The following NUMA1 variants were observed in gnomAD, a reference collection of about 807,000 sequenced individuals.
NUMA1 encodes the protein SP-H antigen.
Under a neutral mutation model 237.1 loss-of-function variants are expected in NUMA1, and 62 were observed. That is an observed-to-expected ratio of 0.26 (90% confidence interval 0.21 to 0.32). The LOEUF (loss-of-function observed/expected upper bound fraction) is 0.32, where lower values mean the gene tolerates loss of function less well. Ranked by LOEUF, NUMA1 falls within the 10% of genes least tolerant of loss-of-function variation. The pLI, the probability that NUMA1 is intolerant of heterozygous loss-of-function variation, is 1.00. For synonymous variants in NUMA1, 1,028 were observed against 1,066.1 expected (o/e 0.96, Z 0.70); for missense variants, 2,533 against 2,666.5 (o/e 0.95, Z 1.10).
chr11:72,031,982 A>G (rs1451131519), intron 3 of NUMA1, among the ~76,000 whole-genome samples: 1 of 33,214 alleles, frequency 3.0e-5, no homozygotes, highest in Non-Finnish European at 1.1e-4. Flanking sequence ...TAAAAAAAAA[A>G]AAAAAAAGAG....
chr11:72,037,894 T>C (rs1941229758), intron 2 of NUMA1, among the ~76,000 whole-genome samples: 1 of 152,196 alleles, frequency 6.6e-6, no homozygotes, highest in South Asian at 2.1e-4. Context: ...GGCAAGATTA[T>C]GTAGCCCTTG....
intron 17 of NUMA1, among the ~76,000 whole-genome samples, chr11:72,010,237 CT>C (rs1272616632): frequency 1.3e-5 from 2 of 152,200 alleles, no homozygotes; most frequent in Non-Finnish European, 2.9e-5. Flanking sequence ...TCCTTTGCCC[CT>C]GACTGAAGGC....
Position 72,035,995 on chromosome 11 carries a change from G to T in NUMA1, c.-32-20C>A. 1 of 1,575,890 alleles carries T rather than the reference G, an allele frequency of 6.3e-7. No individual in the cohort carries two copies. ...ATGCGCCTGGAACCCAAGAGAGGAA[G>T]AAAAGCAGTTAATCATATCAGATAT... On this transcript the variant is annotated intron_variant, in intron 2 of 26. Coordinates refer to ENST00000393695, the MANE Select transcript of NUMA1 (RefSeq NM_006185.4).
rs900236073 is a variant in NUMA1 at position 72,021,211 on chromosome 11, T to C, written c.453A>G (p.Leu151=). 5 of 1,613,338 alleles carry C rather than the reference T, an allele frequency of 3.1e-6. No homozygotes were observed. Among genetic ancestry groups the C allele is most frequent in the Non-Finnish European group, 4.2e-6 (5 of 1,179,360 alleles). The change falls in exon 8 of 27, where the codon CTA becomes CTG. Residue 151 remains leucine, a synonymous_variant. Coordinates refer to ENST00000393695, the MANE Select transcript of NUMA1 (RefSeq NM_006185.4). Reference sequence around the variant, plus strand: ...GAGTGTGTACCTACTTACCTTTCTGTAGGAAGTTCTCTAGGTCCTCATTAA... The same window carrying C: ...GAGTGTGTACCTACTTACCTTTCTGCAGGAAGTTCTCTAGGTCCTCATTAA... ...LNLNEDLENF[L]QKAPVPSTCS... is the part of the protein sequence containing the mutation.
intron 20 of NUMA1, 169 bp downstream of exon 20, chr11:72,008,519 G>C (rs1955910942): frequency 2.7e-6 from 2 of 747,142 alleles, no homozygotes; most frequent in Non-Finnish European, 4.4e-6. Context: ...TTGACCACTT[G>C]CTTTTTATTC....
chr11:72,056,103 C>T (rs1942622732), intron 2 of NUMA1, among the ~76,000 whole-genome samples: 1 of 151,924 alleles, frequency 6.6e-6, no homozygotes. Flanking sequence ...GAGCTGAGAT[C>T]ATACCAGTTC....
Position 72,014,103 on chromosome 11 carries a change from G to C in NUMA1, c.3400C>G (p.Gln1134Glu). ...TGCTCCTGCTGCTTCTGGCATTGCT[G>C]TTCCAGCTTGCTCACCTCTGCCCGC... Reference protein sequence around the residue: ...ALRAEVSKLEQQCQKQQEQAD... With the variant: ...ALRAEVSKLEEQCQKQQEQAD... Residue 1134 changes from glutamine (Q) to glutamate (E), a missense_variant, in exon 15 of 27, where the codon CAG becomes GAG. By Grantham distance (29) the Gln-to-Glu change is conservative. Around this residue, in one of 3 missense-constraint regions of NUMA1, gnomAD observed 1,414 missense variants for 1,508.1 expected, o/e 0.94. Coordinates refer to ENST00000393695, the MANE Select transcript of NUMA1 (RefSeq NM_006185.4). This position sits in a 1 kb window ranked among gnomAD's most constrained non-coding sequence, Gnocchi z 4.6. 6.2e-7 allele frequency: 1 copy of C among 1,611,452 alleles called. No homozygotes were observed. Among genetic ancestry groups the C allele is most frequent in the Non-Finnish European group, 8.5e-7 (1 of 1,180,032 alleles).
intron 2 of NUMA1, chr11:72,040,560 C>A (rs1466865449): frequency 1.3e-5 from 2 of 153,856 alleles, no homozygotes; most frequent in Non-Finnish European, 2.9e-5. Flanking sequence ...TCCCTATCAG[C>A]TGACAAAATG....
intron 20 of NUMA1, chr11:72,007,748 G>C (rs762114530): frequency 2.4e-6 from 1 of 419,816 alleles, no homozygotes; most frequent in African/African-American, 2.0e-5. Context: ...TCTTCCTCCT[G>C]CATCTCCCAT....
intron 2 of NUMA1, among the ~76,000 whole-genome samples, chr11:72,052,831 T>C (rs1042953850): frequency 6.6e-6 from 1 of 151,012 alleles, no homozygotes. Context: ...TACTAAGAAA[T>C]TGTAGGTGAT....
rs750603542 is a variant in NUMA1 at position 72,004,646 on chromosome 11, A to G, written c.6000T>C (p.Thr2000=). The G allele has an allele frequency of 2.5e-6, 4 of 1,612,458 alleles. No individual in the cohort carries two copies. In the South Asian group the frequency reaches 4.4e-5, roughly 18 times the overall value. ...VSLEPHQGPG[T]PESKKATSCF... ...CAGGAGCCACCGCGCCTACCTCAGG[A>G]GTTCCAGGGCCCTGGTGGGGCTCTA... The change falls in exon 24 of 27, where the codon ACT becomes ACC. Residue 2000 remains threonine (T), a synonymous_variant. Coordinates refer to ENST00000393695, the MANE Select transcript of NUMA1 (RefSeq NM_006185.4).
chr11:72,039,191 C>T (rs77737816), intron 2 of NUMA1, among the ~76,000 whole-genome samples: 1 of 152,248 alleles, frequency 6.6e-6, no homozygotes, highest in East Asian at 1.9e-4. Context: ...CCATGATTTC[C>T]TACCAGGGCT....
chr11:72,007,222 G>A lies in NUMA1; in HGVS notation c.5430C>T (p.Arg1810=). Reference sequence around the variant, plus strand: ...TGGTGATGTTGATGATCTGCGTGGTGCGCCGACGAGCGGAGCGGGTCTTAC... The same window carrying A: ...TGGTGATGTTGATGATCTGCGTGGTACGCCGACGAGCGGAGCGGGTCTTAC... The part of the protein sequence containing the change: ...SGRKTRSARR[R]TTQIINITMT... Residue 1810 remains arginine, a synonymous_variant, in exon 21 of 27, where the codon CGC becomes CGT. Coordinates refer to ENST00000393695, the MANE Select transcript of NUMA1 (RefSeq NM_006185.4). 1.2e-6 allele frequency: 2 copies of A among 1,611,912 alleles called. No individual in the cohort carries two copies. Among genetic ancestry groups the A allele is most frequent in the Non-Finnish European group, 8.5e-7 (1 of 1,179,994 alleles).
chr11:72,024,893 G>GTTGT (rs113239843), intron 4 of NUMA1: 9,671 of 155,216 alleles, frequency 0.062, 458 homozygotes, highest in African/African-American at 0.13. Flanking sequence ...GGACTAGAGT[G>GTTGT]TTGTTTGTTT....
At chr11:72,039,311 T>C (rs1404433286) in intron 2 of NUMA1, among the ~76,000 whole-genome samples, 3 of 152,220 alleles carry the variant, frequency 2.0e-5, no homozygotes, top group Non-Finnish European at 4.4e-5. Context: ...ACAGAACAAG[T>C]GATAGGCCAA....
At position 72,035,922 on chromosome 11, in the gene NUMA1, C is replaced by G; in HGVS notation, c.22G>C (p.Gly8Arg). Residue 8 changes from glycine (G) to arginine (R), a missense_variant, in exon 3 of 27, where the codon GGG (glycine) becomes CGG (arginine). Physicochemically the swap from Gly to Arg is moderately radical, Grantham distance 125. Around this residue, in one of 3 missense-constraint regions of NUMA1, gnomAD observed 1,414 missense variants for 1,508.1 expected, o/e 0.94. Coordinates refer to ENST00000393695, the MANE Select transcript of NUMA1 (RefSeq NM_006185.4). Reference protein sequence around the residue: MTLHATRGAALLSWVNSL... With the variant: MTLHATRRAALLSWVNSL... ...CTTACCCAAGAGAGGAGTGCAGCCC[C>G]CCGGGTGGCGTGGAGTGTCATCTTG... The G allele has an allele frequency of 1.2e-6, 2 of 1,614,040 alleles. No individual in the cohort carries two copies. Among genetic ancestry groups the G allele is most frequent in the South Asian group, 1.1e-5 (1 of 91,072 alleles).
At chr11:72,049,040 A>AGGATTCAT (rs1306063173) in intron 2 of NUMA1, among the ~76,000 whole-genome samples, 1 of 152,148 alleles carries the variant, frequency 6.6e-6, no homozygotes, top group Non-Finnish European at 1.5e-5. Flanking sequence ...AAACCCAGAG[A>AGGATTCAT]GGATTCATTA....
At chr11:72,007,009 C>T (rs1479062392) in intron 21 of NUMA1, among the ~76,000 whole-genome samples, 180 bp downstream of exon 21, 1 of 152,216 alleles carries the variant, frequency 6.6e-6, no homozygotes, top group Non-Finnish European at 1.5e-5. Context: ...CTAGCCCTGC[C>T]TTTTTCTTCA....
At chr11:72,046,437 G>C (rs936782221) in intron 2 of NUMA1, among the ~76,000 whole-genome samples, 6 of 152,128 alleles carry the variant, frequency 3.9e-5, no homozygotes, top group Non-Finnish European at 5.9e-5. Context: ...CCAGCTATTC[G>C]GGAGGCTGAG....
Sources: allele counts gnomAD v4.1 joint callset (sites outside exome capture counted in the v4.1 genomes callset), GRCh38; gene constraint gnomAD v4.1.1; regional missense constraint gnomAD v4.1.1; non-coding constraint Gnocchi (gnomAD v3.1); transcripts MANE v1.5; gene names NCBI Gene and HGNC (gene_info 2026-07-23, HGNC 2026-07-21).